Variants in BACH2 observed in about 807,000 individuals in gnomAD.
BACH2 encodes transcription regulator protein BACH2.
BACH2 carries 5 observed loss-of-function variants against 61.8 expected under a neutral mutation model. The observed-to-expected ratio is 0.08, with a 90% CI of 0.04 to 0.17. The LOEUF is 0.17. Ranked by LOEUF, BACH2 falls within the 10% of genes least tolerant of loss-of-function variation. The probability of loss-of-function intolerance (pLI) is 1.00; values close to 1 mark genes in which losing one functional copy is unlikely to be tolerated. For synonymous variants in BACH2, 446 were observed against 440.1 expected (o/e 1.01, Z -0.17); for missense variants, 824 against 1,091.1 (o/e 0.76, Z 3.45).
intron 3 of BACH2, among the ~76,000 whole-genome samples, chr6:90,248,229 C>T (rs1770699705): frequency 6.6e-6 from 1 of 152,176 alleles, no homozygotes; most frequent in Non-Finnish European, 1.5e-5. Flanking sequence ...AACTAATCTG[C>T]TGTCGTTTTT....
At chr6:90,152,200 C>T (rs1009585175) in intron 4 of BACH2, among the ~76,000 whole-genome samples, 7 of 152,320 alleles carry the variant, frequency 4.6e-5, no homozygotes, top group Non-Finnish European at 8.8e-5. Flanking sequence ...TCTGCATTCC[C>T]GGGCATATAA....
chr6:90,082,426 C>G (rs1781762284), intron 5 of BACH2, among the ~76,000 whole-genome samples: 1 of 151,774 alleles, frequency 6.6e-6, no homozygotes. Context: ...CTTATAAGAG[C>G]TGATTAATAT....
At chr6:90,073,507 T>C (rs1781334483) in intron 5 of BACH2, among the ~76,000 whole-genome samples, 1 of 152,214 alleles carries the variant, frequency 6.6e-6, no homozygotes, top group African/African-American at 2.4e-5. Context: ...CATCTGCAAA[T>C]ACTTGAAAAC....
At chr6:90,267,563 T>G (rs992284415) in intron 2 of BACH2, among the ~76,000 whole-genome samples, 6 of 152,160 alleles carry the variant, frequency 3.9e-5, no homozygotes, top group African/African-American at 1.4e-4. Flanking sequence ...TCAAAGTAGA[T>G]ACACATGAAT....
In BACH2 at chr6:90,296,098, C is replaced by T. The variant is rs553699120; in HGVS notation, c.-446+382G>A. Among the ~76,000 whole-genome samples the T allele has an allele frequency of 1.8e-3, 274 of 152,110 alleles. 1 individual carries two copies. Among genetic ancestry groups the T allele is most frequent in the African/African-American group, 5.7e-3 (236 of 41,546 alleles). On this transcript the variant is annotated intron_variant, in intron 1 of 8. Coordinates refer to ENST00000257749, the MANE Select transcript of BACH2 (RefSeq NM_021813.4). ...CGCGGGTCTGACAGCTGCTGCGGCT[C>T]GCGCGGACGCGCGCCTCCTGCAGCC...
chr6:90,261,397 A>C (rs1379960465), intron 2 of BACH2, among the ~76,000 whole-genome samples: 2 of 152,330 alleles, frequency 1.3e-5, no homozygotes, highest in Admixed American at 6.5e-5. Flanking sequence ...ATGTTCCTTG[A>C]CAACTCTTGC....
intron 6 of BACH2, among the ~76,000 whole-genome samples, chr6:89,984,583 G>A (rs1776136461): frequency 6.6e-6 from 1 of 152,094 alleles, no homozygotes; most frequent in Non-Finnish European, 1.5e-5. Context: ...AACCCTAAAA[G>A]CCTATTCCTA....
intron 5 of BACH2, among the ~76,000 whole-genome samples, chr6:90,015,017 G>C (rs1006515402): frequency 2.0e-5 from 3 of 150,126 alleles, no homozygotes; most frequent in African/African-American, 7.4e-5. Flanking sequence ...TTGGTGTCAA[G>C]TGATTCTCCT....
At chr6:90,151,137 A>G (rs181737795) in intron 4 of BACH2, among the ~76,000 whole-genome samples, 156 of 152,314 alleles carry the variant, frequency 1.0e-3, no homozygotes, top group African/African-American at 3.6e-3. Flanking sequence ...TTGGCATTCT[A>G]TCAGTTTGGA....
intron 6 of BACH2, among the ~76,000 whole-genome samples, chr6:89,997,681 CTCTTT>C (rs1302587892): frequency 1.3e-5 from 2 of 152,218 alleles, no homozygotes; most frequent in Admixed American, 6.5e-5. Context: ...CCTTACACTT[CTCTTT>C]TCTTAACTAT....
chr6:90,045,903 G>A (rs1246496733), intron 5 of BACH2, among the ~76,000 whole-genome samples: 1 of 152,084 alleles, frequency 6.6e-6, no homozygotes, highest in African/African-American at 2.4e-5. Context: ...CAGCTTCCAT[G>A]GACTTTTAAA....
At position 90,257,375 on chromosome 6, in the gene BACH2, C is replaced by A. The variant is rs1192674138; in HGVS notation, c.-352-4785G>T. Among the ~76,000 whole-genome samples the A allele has an allele frequency of 6.6e-5, 10 of 152,322 alleles. No homozygotes were observed. In the South Asian group the frequency reaches 2.1e-3, roughly 32 times the overall value. Reference sequence around the variant, plus strand: ...TGGACAAGAGTCCTCCACATCCTCACCAACATTTGTTATCTTTTGACTTTT... The same window carrying A: ...TGGACAAGAGTCCTCCACATCCTCAACAACATTTGTTATCTTTTGACTTTT... On this transcript the variant is annotated intron_variant, in intron 2 of 8. Coordinates refer to ENST00000257749, the MANE Select transcript of BACH2 (RefSeq NM_021813.4).
chr6:90,207,135 T>G (rs1370340529), intron 3 of BACH2, among the ~76,000 whole-genome samples: 1 of 152,192 alleles, frequency 6.6e-6, no homozygotes, highest in Non-Finnish European at 1.5e-5. Flanking sequence ...TTTTGTTTTT[T>G]TGGCATAGAG....
rs779204401 is a variant in BACH2, at chr6:90,273,103, G to A, written c.-445-1162C>T. On this transcript the variant is annotated intron_variant, in intron 1 of 8. Transcript: ENST00000257749. ...AGGCCAGGTGCAGTGGCTCACACCTGTAACCCCAGCACTTTGGGAGGCTAA... is the reference window on the plus strand; with the variant it reads ...AGGCCAGGTGCAGTGGCTCACACCTATAACCCCAGCACTTTGGGAGGCTAA... Among the ~76,000 whole-genome samples, 3 of 152,116 alleles carry A rather than the reference G, an allele frequency of 2.0e-5. No homozygotes were observed. In the South Asian group the frequency reaches 6.2e-4, roughly 32 times the overall value.
At chr6:90,150,179 C>T (rs1046505687) in intron 4 of BACH2, among the ~76,000 whole-genome samples, 5 of 152,156 alleles carry the variant, frequency 3.3e-5, no homozygotes, top group African/African-American at 7.2e-5. Flanking sequence ...ACCCCTGCAG[C>T]GTCTCTCATG....
rs1772657634 is a variant in BACH2 at position 89,931,769 on chromosome 6, T to A, written c.*639A>T. The A allele has an allele frequency of 6.6e-6, 1 of 152,364 alleles. No individual in the cohort carries two copies. Among genetic ancestry groups the A allele is most frequent in the South Asian group, 2.1e-4 (1 of 4,810 alleles). The allele number at this position is 152,364 out of a possible 1,614,324, so 9.4% of individuals were successfully genotyped here. Reference sequence around the variant, plus strand: ...ATTTTGTCCATAAATAAGTACGAATTGAAAATTGAACTGTGAAGCAAGAAA... The same window carrying A: ...ATTTTGTCCATAAATAAGTACGAATAGAAAATTGAACTGTGAAGCAAGAAA... On this transcript the variant is annotated 3_prime_UTR_variant, in exon 9 of 9. Coordinates refer to ENST00000257749, the MANE Select transcript of BACH2 (RefSeq NM_021813.4).
chr6:90,148,676 A>C (rs191295665), intron 4 of BACH2, among the ~76,000 whole-genome samples: 4 of 150,738 alleles, frequency 2.7e-5, no homozygotes, highest in African/African-American at 1.0e-4. Context: ...GTAATGGTTA[A>C]GTGTCTGTTT....
At chr6:89,948,407 C>T (rs1435735766) in intron 7 of BACH2, among the ~76,000 whole-genome samples, 1 of 152,018 alleles carries the variant, frequency 6.6e-6, no homozygotes, top group Non-Finnish European at 1.5e-5. Flanking sequence ...GGGGTTTCAC[C>T]ATGTTGCCCA....
At chr6:90,295,648 G>A (rs1772324161) in intron 1 of BACH2, among the ~76,000 whole-genome samples, 1 of 137,354 alleles carries the variant, frequency 7.3e-6, no homozygotes, top group Non-Finnish European at 1.5e-5. Flanking sequence ...GGAGACTGGA[G>A]TGTAGGGTGT....
Sources: allele counts gnomAD v4.1 joint callset (sites outside exome capture counted in the v4.1 genomes callset), GRCh38; gene constraint gnomAD v4.1.1; transcripts MANE v1.5; gene names NCBI Gene and HGNC (gene_info 2026-07-23, HGNC 2026-07-21).